Variants in CDCA7 observed in about 807,000 individuals in gnomAD.
The protein encoded by CDCA7 is cell division cycle associated 7, also known as cell division cycle-associated protein 7.
A neutral mutation model predicts 54.0 loss-of-function variants in CDCA7; 28 were observed. The observed-to-expected ratio is 0.52, with a 90% CI of 0.38 to 0.71. CDCA7 has a LOEUF of 0.71. Among genes scored for constraint, CDCA7 ranks in the 30% least tolerant of loss-of-function variants. The pLI is 0.00. For synonymous variants in CDCA7, 180 were observed against 208.2 expected (o/e 0.86, Z 1.16); for missense variants, 484 against 586.0 (o/e 0.83, Z 1.80).
At chr2:173,362,769 G>A (rs773295276) in intron 3 of CDCA7, among the ~76,000 whole-genome samples, 11 of 151,570 alleles carry the variant, frequency 7.3e-5, no homozygotes, top group South Asian at 2.1e-4. Context: ...GCAGAGACGG[G>A]GTTTCACCAT....
intron 3 of CDCA7, among the ~76,000 whole-genome samples, chr2:173,361,563 T>C (rs1382451453): frequency 6.6e-6 from 1 of 151,888 alleles, no homozygotes; most frequent in Admixed American, 6.6e-5. Context: ...GCGATTCTTG[T>C]GTCTCAGCAT....
rs763027787 is a variant in CDCA7, at chr2:173,365,473, C to A, written c.916C>A (p.Arg306Ser). ...YMNEDDLPRS[R>S]RSRSSVTLPH... ...GCAGGAAGATGACCTGCCCAGAAGC[C>A]GTCGCTCCAGATCATCCGTGACCCT... The change falls in exon 7 of 10, where the codon CGT becomes AGT. Residue 306 changes from arginine (R) to serine (S), a missense_variant. Around this residue, in one of 3 missense-constraint regions of CDCA7, gnomAD observed 398 missense variants for 447.4 expected, o/e 0.89. Transcript: ENST00000306721. The A allele has an allele frequency of 1.1e-5, 18 of 1,613,622 alleles. No individual in the cohort carries two copies. The highest frequency in any genetic ancestry group is 3.3e-4 in the Middle Eastern group (2 of 6,084).
At chr2:173,362,841 G>A (rs1439457772) in intron 3 of CDCA7, among the ~76,000 whole-genome samples, 1 of 152,044 alleles carries the variant, frequency 6.6e-6, no homozygotes, top group Admixed American at 6.6e-5. Context: ...GCCTCCCAAA[G>A]TGCTGGGATT....
Position 173,365,438 on chromosome 2 carries a change from T to A in CDCA7, c.895-14T>A, listed in dbSNP as rs1686701816. 6.3e-7 allele frequency: 1 copy of A among 1,599,882 alleles called. No individual in the cohort carries two copies. The highest frequency in any genetic ancestry group is 1.8e-5 in the Admixed American group (1 of 56,856). On this transcript the variant is annotated splice_polypyrimidine_tract_variant and intron_variant, in intron 6 of 9. Transcript: ENST00000306721. ...AGTTTTGAAGTTCTGTGTTTTGTAT[T>A]CCTTGTAATGCAGGAAGATGACCTG...
rs1467611096 is a variant in CDCA7, at chr2:173,368,726, T to C, written c.*1062T>C. ...CCTCCTCTTTGCATTAATCAAGGTATTTGGTAGAGGTGGAATCTAAGTGTT... is the reference window on the plus strand; with the variant it reads ...CCTCCTCTTTGCATTAATCAAGGTACTTGGTAGAGGTGGAATCTAAGTGTT... On this transcript the variant is annotated 3_prime_UTR_variant, in exon 10 of 10. Coordinates refer to ENST00000306721, the MANE Select transcript of CDCA7 (RefSeq NM_031942.5). 6.6e-6 allele frequency: 1 copy of C among 152,204 alleles called. No homozygotes were observed. The highest frequency in any genetic ancestry group is 1.9e-4 in the East Asian group (1 of 5,206). 9.4% of individuals were successfully genotyped at this position (152,204 alleles called of 1,614,324 possible). A position where few individuals can be genotyped will look rare whatever the true frequency, so the allele number is the denominator to read the frequency against.
Position 173,359,321 on chromosome 2 carries a change from G to T in CDCA7, c.214G>T (p.Glu72Ter). ...ANVFYEDSDN[E>*]SFCGFSESEV... ...TGTTTTTTATGAGGACTCTGATAATGAATCTTTCTGCGGCTTTTCAGAAAG... is the reference window on the plus strand; with the variant it reads ...TGTTTTTTATGAGGACTCTGATAATTAATCTTTCTGCGGCTTTTCAGAAAG... The change falls in exon 3 of 10, where the codon GAA (glutamate) becomes TAA (stop). Residue 72 changes from glutamate (E) to a stop codon, truncating the protein, a stop_gained. Coordinates refer to ENST00000306721, the MANE Select transcript of CDCA7 (RefSeq NM_031942.5). LOFTEE classifies it high-confidence loss of function. 6.2e-7 allele frequency: 1 copy of T among 1,614,186 alleles called. No individual in the cohort carries two copies. Among genetic ancestry groups the T allele is most frequent in the South Asian group, 1.1e-5 (1 of 91,084 alleles).
At chr2:173,361,125 G>A (rs2106389555) in intron 3 of CDCA7, among the ~76,000 whole-genome samples, 1 of 152,268 alleles carries the variant, frequency 6.6e-6, no homozygotes, top group South Asian at 2.1e-4. Context: ...GCATGTGTTA[G>A]TTCTTCATTT....
intron 3 of CDCA7, among the ~76,000 whole-genome samples, chr2:173,362,230 A>G (rs1393871822): frequency 6.6e-6 from 1 of 152,222 alleles, no homozygotes; most frequent in Non-Finnish European, 1.5e-5. Context: ...AACTTCTAAA[A>G]GTAGATTAGA....
In CDCA7 at chr2:173,359,468, G is replaced by T; in HGVS notation, c.361G>T (p.Glu121Ter). The T allele has an allele frequency of 6.2e-7, 1 of 1,614,136 alleles. No individual in the cohort carries two copies. The highest frequency in any genetic ancestry group is 1.1e-5 in the South Asian group (1 of 91,072). The change falls in exon 3 of 10, where the codon GAG (glutamate) becomes TAG (stop). Residue 121 changes from glutamate to a stop codon, truncating the protein, a stop_gained. Transcript: ENST00000306721. LOFTEE classifies it high-confidence loss of function. ...CGATGAATCATTTTGCGGTTTCTCA[G>T]AGAGTGAGATACAAGATGGAATGGT... ...SDDESFCGFS[E>*]SEIQDGMRLQ...
In CDCA7 at chr2:173,364,841, G is replaced by C; in HGVS notation, c.746G>C (p.Arg249Thr). The part of the protein sequence containing the change: ...RRRTFPGVAS[R>T]RNPERRARPL... ...CGTACATTCCCGGGTGTTGCTTCCA[G>C]GAGAAACCCTGAACGGAGAGCTCGT... is the stretch of plus-strand genomic sequence containing the variant. The change falls in exon 6 of 10, where the codon AGG becomes ACG. Residue 249 changes from arginine to threonine, a missense_variant. Coordinates refer to ENST00000306721, the MANE Select transcript of CDCA7 (RefSeq NM_031942.5). 6.2e-7 allele frequency: 1 copy of C among 1,611,480 alleles called. No homozygotes were observed.
chr2:173,363,737 GA>G, intron 4 of CDCA7, 80 bp from the exon 5 acceptor site: 1 of 1,336,680 alleles, frequency 7.5e-7, no homozygotes. Context: ...AGATGTACTT[GA>G]GTATTTTCCA....
chr2:173,358,953 G>T, intron 2 of CDCA7, 116 bp downstream of exon 2: 1 of 1,345,602 alleles, frequency 7.4e-7, no homozygotes, highest in Non-Finnish European at 1.0e-6. Context: ...CAGCCGTTAT[G>T]AAAATACAGT....
At chr2:173,359,986 G>T (rs1686589669) in intron 3 of CDCA7, among the ~76,000 whole-genome samples, 1 of 152,160 alleles carries the variant, frequency 6.6e-6, no homozygotes, top group South Asian at 2.1e-4. Context: ...TCCTTGGTTG[G>T]CTTTTCCTAT....
At chr2:173,367,122 A>T (rs1412254077) in intron 8 of CDCA7, 28 bp from the exon 9 acceptor site, 40 of 1,554,926 alleles carry the variant, frequency 2.6e-5, no homozygotes, top group Non-Finnish European at 3.1e-5. Flanking sequence ...GTTTAACTTA[A>T]TTGTGCCGTT....
chr2:173,360,664 A>G (rs1354280976), intron 3 of CDCA7, among the ~76,000 whole-genome samples: 1 of 151,982 alleles, frequency 6.6e-6, no homozygotes, highest in Non-Finnish European at 1.5e-5. Flanking sequence ...TTTTATAGAG[A>G]TGTGGGCTCA....
rs1047373217 is a variant in CDCA7, at chr2:173,357,759, A to T, written c.22-953A>T. ...ACAGGTTGGATTTTAGGAGTTTAGC[A>T]TTAAAATCTCCTGTGGGGCTCAGTA... On this transcript the variant is annotated intron_variant, in intron 1 of 9. Transcript: ENST00000306721. 2.6e-5 allele frequency among the ~76,000 whole-genome samples: 4 copies of T among 152,336 alleles called. No homozygotes were observed. In the East Asian group the frequency reaches 7.7e-4, roughly 29 times the overall value.
chr2:173,367,395 C>T lies in CDCA7; in HGVS notation c.1322+109C>T, dbSNP rs188739840. The T allele has an allele frequency of 6.8e-5, 103 of 1,504,986 alleles. No homozygotes were observed. In the African/African-American group the frequency reaches 1.1e-3, roughly 17 times the overall value. The allele number at this position is 1,504,986 out of a possible 1,614,324, so 93.2% of individuals were successfully genotyped here. ...GTGGTTATCTCTGGCGGGGTGGAGACTGACTGGAACGGGGCACACTGGAAG... is the reference window on the plus strand; with the variant it reads ...GTGGTTATCTCTGGCGGGGTGGAGATTGACTGGAACGGGGCACACTGGAAG... On this transcript the variant is annotated intron_variant, in intron 9 of 9. Transcript: ENST00000306721.
chr2:173,357,735 C>A (rs1403173572), intron 1 of CDCA7, among the ~76,000 whole-genome samples: 2 of 151,726 alleles, frequency 1.3e-5, no homozygotes, highest in Non-Finnish European at 2.9e-5. Flanking sequence ...TTTAAAAAAA[C>A]AGGTTGGATT....
chr2:173,358,651 G>A (rs1686559073), intron 1 of CDCA7, 61 bp from the exon 2 acceptor site: 2 of 1,554,256 alleles, frequency 1.3e-6, no homozygotes, highest in Admixed American at 3.7e-5. Flanking sequence ...AAAAAAAAAT[G>A]ATGTCTTTAG....
Sources: gnomAD v4.1 joint callset for allele counts (sites outside exome capture counted in the v4.1 genomes callset) on GRCh38, gnomAD v4.1.1 for gene constraint, gnomAD v4.1.1 regional missense constraint, MANE v1.5 for transcripts, NCBI Gene and HGNC (gene_info 2026-07-23, HGNC 2026-07-21) for gene names.